Variants in LRP2 observed in about 807,000 individuals in gnomAD.
LRP2 encodes the protein LDL receptor related protein 2.
LRP2 carries 172 observed loss-of-function variants against 531.0 expected under a neutral mutation model. The observed-to-expected ratio is 0.32, with a 90% CI of 0.29 to 0.37. The LOEUF is 0.37. Ranked by LOEUF, LRP2 falls within the 10% of genes least tolerant of loss-of-function variation. LRP2 has a pLI of 1.00. For synonymous variants in LRP2, 1,992 were observed against 2,027.6 expected, an observed-to-expected ratio of 0.98 and a Z score of 0.47; for missense variants, 5,167 against 5,868.3, an observed-to-expected ratio of 0.88 and a Z score of 3.90.
chr2:169,328,967 G>A (rs1685195365), intron 1 of LRP2, among the ~76,000 whole-genome samples: 1 of 152,216 alleles, frequency 6.6e-6, no homozygotes, highest in Non-Finnish European at 1.5e-5. Flanking sequence ...CATAGATGAG[G>A]ACGACAAGGC....
At chr2:169,231,431 C>T (rs1458088748) in intron 31 of LRP2, among the ~76,000 whole-genome samples, 1 of 152,106 alleles carries the variant, frequency 6.6e-6, no homozygotes. Context: ...TTCCCATTAT[C>T]ATGGCTTGTC....
chr2:169,139,147 G>C lies in LRP2; in HGVS notation c.13388+104C>G, dbSNP rs903977970. On this transcript the variant is annotated intron_variant, in intron 74 of 78. Transcript: ENST00000649046. ...TTTGTTTCTGTGGAATCGGTGAACT[G>C]CGTATTGTGCTTTTTTAACTTAGAA... The C allele has an allele frequency of 5.2e-6, 8 of 1,530,422 alleles. No individual in the cohort carries two copies. The South Asian group carries it at 9.0e-5, about 17-fold the overall frequency. The allele number at this position is 1,530,422 out of a possible 1,614,324, so 94.8% of individuals were successfully genotyped here. A position where few individuals can be genotyped will look rare whatever the true frequency, so the allele number is the denominator to read the frequency against.
Position 169,138,688 on chromosome 2 carries a change from C to G in LRP2, c.13407G>C (p.Lys4469Asn). The G allele has an allele frequency of 6.2e-7, 1 of 1,614,002 alleles. No homozygotes were observed. The highest frequency in any genetic ancestry group is 1.3e-5 in the African/African-American group (1 of 75,046). ...PKLPSLSSLV[K>N]PSENGNGVTF... ...TCACCCCATTCCCATTTTCAGAGGG[C>G]TTGACGAGACTGCTTAAGCTGGAAA... The change falls in exon 75 of 79, where the codon AAG becomes AAC. Residue 4469 changes from lysine (K) to asparagine (N), a missense_variant. Transcript: ENST00000649046.
In LRP2 at chr2:169,271,013, C is replaced by G; in HGVS notation, c.2211G>C (p.Ser737=). 6.2e-7 allele frequency: 1 copy of G among 1,613,134 alleles called. No individual in the cohort carries two copies. Among genetic ancestry groups the G allele is most frequent in the Non-Finnish European group, 8.5e-7 (1 of 1,179,502 alleles). Residue 737 remains serine (S), a synonymous_variant, in exon 16 of 79, where the codon TCG becomes TCC. Coordinates refer to ENST00000649046, the MANE Select transcript of LRP2 (RefSeq NM_004525.3). The part of the protein sequence containing the change: ...STQEDVMVPV[S]GNPSFFVGID... ...TCCCGACAAAGAAAGAAGGATTCCC[C>G]GAAACTGGAACCATGACATCTTCCT...
At chr2:169,341,469 G>A (rs1685561317) in intron 1 of LRP2, among the ~76,000 whole-genome samples, 2 of 151,906 alleles carry the variant, frequency 1.3e-5, no homozygotes, top group Non-Finnish European at 2.9e-5. Flanking sequence ...AATCTACAAA[G>A]GCATCCTAAT....
At chr2:169,316,518 G>C (rs1052408101) in intron 3 of LRP2, among the ~76,000 whole-genome samples, 2 of 152,140 alleles carry the variant, frequency 1.3e-5, no homozygotes, top group Non-Finnish European at 2.9e-5. Flanking sequence ...TGGGTTAAAT[G>C]CTATTTCTAT....
intron 6 of LRP2, among the ~76,000 whole-genome samples, chr2:169,293,049 G>A (rs941983961): frequency 2.0e-5 from 3 of 152,022 alleles, no homozygotes; most frequent in Admixed American, 6.6e-5. Context: ...ACTGAAATAA[G>A]CCCAGGTTCC....
intron 1 of LRP2, among the ~76,000 whole-genome samples, chr2:169,351,832 C>T (rs1355377991): frequency 6.6e-6 from 1 of 152,118 alleles, no homozygotes; most frequent in Non-Finnish European, 1.5e-5. Context: ...CAGGGCCTTG[C>T]CAAGCACAAC....
intron 1 of LRP2, among the ~76,000 whole-genome samples, chr2:169,327,094 AG>A (rs1222158504): frequency 6.7e-6 from 1 of 149,254 alleles, no homozygotes; most frequent in Admixed American, 6.6e-5. Context: ...TGGGGGGGTC[AG>A]CCCCCCGCCC....
At chr2:169,210,169 A>G (rs935409495) in intron 37 of LRP2, among the ~76,000 whole-genome samples, 4 of 152,216 alleles carry the variant, frequency 2.6e-5, no homozygotes, top group Non-Finnish European at 5.9e-5. Context: ...GAAAATCACC[A>G]TTTTGCAATC....
intron 4 of LRP2, among the ~76,000 whole-genome samples, chr2:169,306,422 T>A (rs1684420247): frequency 6.6e-6 from 1 of 152,140 alleles, no homozygotes. Context: ...TAATCCCAGC[T>A]ACTCGGGAGG....
At position 169,171,933 on chromosome 2, in the gene LRP2, A is replaced by G. The variant is rs1687018149; in HGVS notation, c.11263+82T>C. 9 of 1,536,924 alleles carry G rather than the reference A, an allele frequency of 5.9e-6. No homozygotes were observed. In the South Asian group the frequency reaches 9.0e-5, roughly 15 times the overall value. ...TCATCCTACCCATTGAGGATCAATG[A>G]CATAGACAGTTGAATTATGGACAAA... On this transcript the variant is annotated intron_variant, in intron 58 of 78. Transcript: ENST00000649046.
rs112536208 is a variant in LRP2, at chr2:169,335,590, G to T, written c.80-14706C>A. Among the ~76,000 whole-genome samples, 982 of 152,292 alleles carry T rather than the reference G, an allele frequency of 6.4e-3. 7 individuals are homozygous for T. Among genetic ancestry groups the T allele is most frequent in the African/African-American group, 0.022 (928 of 41,554 alleles). Reference sequence around the variant, plus strand: ...AGCACTTTGGGAGGCCATAGCAGGAGGATCTCTTAAGCTCAGGAGTCTGTA... The same window carrying T: ...AGCACTTTGGGAGGCCATAGCAGGATGATCTCTTAAGCTCAGGAGTCTGTA... On this transcript the variant is annotated intron_variant, in intron 1 of 78. Coordinates refer to ENST00000649046, the MANE Select transcript of LRP2 (RefSeq NM_004525.3).
At chr2:169,248,428 C>A (rs16823029) in intron 19 of LRP2, among the ~76,000 whole-genome samples, 14,980 of 152,170 alleles carry the variant, frequency 0.098, 883 homozygotes, top group African/African-American at 0.16. Context: ...CTTTCTAGAG[C>A]CTGGCAATCC....
chr2:169,159,925 C>T (rs1475707582), intron 63 of LRP2, among the ~76,000 whole-genome samples: 1 of 152,118 alleles, frequency 6.6e-6, no homozygotes, highest in Non-Finnish European at 1.5e-5. Flanking sequence ...AGCAAGAGTC[C>T]TTAACAAGAG....
intron 66 of LRP2, among the ~76,000 whole-genome samples, chr2:169,153,643 TTAC>T (rs1334392111): frequency 6.6e-6 from 1 of 152,178 alleles, no homozygotes; most frequent in Non-Finnish European, 1.5e-5. Flanking sequence ...CAGAACAAGA[TTAC>T]TACTTTGATT....
rs1688801387 is a variant in LRP2 at position 169,216,517 on chromosome 2, T to C, written c.5649-87A>G. 5 of 1,290,018 alleles carry C rather than the reference T, an allele frequency of 3.9e-6. No individual in the cohort carries two copies. The South Asian group carries it at 6.2e-5, about 16-fold the overall frequency. 79.9% of individuals were successfully genotyped at this position (1,290,018 alleles called of 1,614,324 possible). On this transcript the variant is annotated intron_variant, in intron 34 of 78. Transcript: ENST00000649046. The stretch of plus-strand genomic sequence containing the variant: ...AAATGACAATGTGTATTACTTGTCC[T>C]CAAGATGCTCACAATACAATGGGCA...
At chr2:169,220,959 C>G (rs1688970580) in intron 33 of LRP2, among the ~76,000 whole-genome samples, 1 of 152,120 alleles carries the variant, frequency 6.6e-6, no homozygotes, top group Non-Finnish European at 1.5e-5. Flanking sequence ...CTGCACCCCA[C>G]CAAGGCACTC....
chr2:169,221,233 T>C (rs1396278385), intron 33 of LRP2, among the ~76,000 whole-genome samples: 2 of 152,210 alleles, frequency 1.3e-5, no homozygotes, highest in Non-Finnish European at 2.9e-5. Context: ...CTATGTTCAA[T>C]AAACTTCTAT....
Sources: allele counts gnomAD v4.1 joint callset (sites outside exome capture counted in the v4.1 genomes callset), GRCh38; gene constraint gnomAD v4.1.1; transcripts MANE v1.5; gene names NCBI Gene and HGNC (gene_info 2026-07-23, HGNC 2026-07-21).